RASSF8: variants seen among roughly 807,000 people sequenced by gnomAD.
The protein encoded by RASSF8 is Ras association domain family member 8.
A neutral mutation model predicts 48.5 loss-of-function variants in RASSF8; 22 were observed. The ratio of observed to expected loss-of-function variants is 0.45; its 90% CI spans 0.32 to 0.65. The LOEUF is 0.65. Ranked by LOEUF, RASSF8 falls within the 30% of genes least tolerant of loss-of-function variation. The pLI, the probability that RASSF8 is intolerant of heterozygous loss-of-function variation, is 0.03. For missense variants in RASSF8, 418 were observed against 489.2 expected, an observed-to-expected ratio of 0.85 and a Z score of 1.37; for synonymous variants, 127 against 171.5, an observed-to-expected ratio of 0.74 and a Z score of 2.03.
Position 26,070,019 on chromosome 12 carries a change from T to G in RASSF8, c.*1201T>G. The G allele has an allele frequency of 1.0e-6, 1 of 980,002 alleles. No homozygotes were observed. Among genetic ancestry groups the G allele is most frequent in the South Asian group, 4.7e-5 (1 of 21,198 alleles). 60.7% of individuals were successfully genotyped at this position (980,002 alleles called of 1,614,324 possible). On this transcript the variant is annotated 3_prime_UTR_variant, in exon 6 of 6. Coordinates refer to ENST00000689635, the MANE Select transcript of RASSF8 (RefSeq NM_001394098.1). The stretch of plus-strand genomic sequence containing the variant: ...AACCAAATATGACTCAACACCTTTT[T>G]GATGAGTAGTGACTTAACTAAGATT...
At position 26,064,993 on chromosome 12, in the gene RASSF8, C is replaced by T. The variant is rs543199779; in HGVS notation, c.599C>T (p.Ser200Phe). Residue 200 changes from serine (S) to phenylalanine (F), a missense_variant, in exon 4 of 6, where the codon TCC becomes TTC. Coordinates refer to ENST00000689635, the MANE Select transcript of RASSF8 (RefSeq NM_001394098.1). Reference protein sequence around the residue: ...EIRFWEQKYNSNLEEEIVRLE... With the variant: ...EIRFWEQKYNFNLEEEIVRLE... Reference sequence around the variant, plus strand: ...AGATTTTGGGAGCAAAAGTATAATTCCAACCTTGAAGAGGAAATTGTCCGT... The same window carrying T: ...AGATTTTGGGAGCAAAAGTATAATTTCAACCTTGAAGAGGAAATTGTCCGT... 19 of 1,613,160 alleles carry T rather than the reference C, an allele frequency of 1.2e-5. No individual in the cohort carries two copies. The South Asian group carries it at 2.1e-4, about 18-fold the overall frequency.
chr12:25,991,690 A>C (rs955915949), intron 1 of RASSF8, among the ~76,000 whole-genome samples: 10 of 152,290 alleles, frequency 6.6e-5, no homozygotes, highest in African/African-American at 2.4e-4. Context: ...TGTCTGGCTT[A>C]TATCAGGACA....
rs11343990 is a variant in RASSF8, at chr12:26,071,814, TAA to T, written c.*3005_*3006del. 7,571 of 951,992 alleles carry T rather than the reference TAA, an allele frequency of 8.0e-3. 43 individuals carry two copies. The highest frequency in any genetic ancestry group is 8.2e-3 in the Non-Finnish European group (6,584 of 800,222). 59.0% of individuals were successfully genotyped at this position (951,992 alleles called of 1,614,324 possible). A position where few individuals can be genotyped will look rare whatever the true frequency, so the allele number is the denominator to read the frequency against. ...TAGAGTAAAAACTATATAAATACAG[TAA>T]AAAAAAAATAGAATTTATGGTGTGA... On this transcript the variant is annotated 3_prime_UTR_variant, in exon 6 of 6. Coordinates refer to ENST00000689635, the MANE Select transcript of RASSF8 (RefSeq NM_001394098.1).
chr12:26,043,820 A>G (rs938560465), intron 2 of RASSF8, among the ~76,000 whole-genome samples: 9 of 152,214 alleles, frequency 5.9e-5, no homozygotes, highest in African/African-American at 1.9e-4. Context: ...AAGAAACCAG[A>G]CAACATTACA....
intron 2 of RASSF8, among the ~76,000 whole-genome samples, chr12:26,032,751 C>T (rs1297335637): frequency 2.0e-5 from 3 of 152,128 alleles, no homozygotes; most frequent in Non-Finnish European, 4.4e-5. Context: ...AAGCAGGAAT[C>T]ATAATGGGAA....
intron 2 of RASSF8, among the ~76,000 whole-genome samples, chr12:26,017,276 A>C (rs572584945): frequency 6.6e-6 from 1 of 152,342 alleles, no homozygotes; most frequent in East Asian, 1.9e-4. Flanking sequence ...ATCTTTGTCC[A>C]ATCAGGAGAG....
chr12:25,996,550 G>C (rs557852966), intron 2 of RASSF8, among the ~76,000 whole-genome samples: 2 of 152,154 alleles, frequency 1.3e-5, no homozygotes, highest in Non-Finnish European at 2.9e-5. Flanking sequence ...ACTAATACAG[G>C]TGGGGATTGT....
At chr12:26,027,689 C>A (rs960524961) in intron 2 of RASSF8, among the ~76,000 whole-genome samples, 2 of 152,138 alleles carry the variant, frequency 1.3e-5, no homozygotes, top group Non-Finnish European at 2.9e-5. Flanking sequence ...AATCATTAAG[C>A]CATTGATAAG....
In RASSF8 at chr12:25,986,926, T is replaced by TTTTGTTTGTTTGTTTG. The variant is rs1555160451; in HGVS notation, c.-202-8099_-202-8084dup. ...GCAGGATTGAACTACCGTTTTTTTTTTTTGTTTGTTTGTTTGTTTGTTTGT... is the reference window on the plus strand; with the variant it reads ...GCAGGATTGAACTACCGTTTTTTTTTTTTGTTTGTTTGTTTGTTTGTTTGTTTGTTTGTTTGTTTGT... On this transcript the variant is annotated intron_variant, in intron 1 of 5. Coordinates refer to ENST00000689635, the MANE Select transcript of RASSF8 (RefSeq NM_001394098.1). Among the ~76,000 whole-genome samples, 5 of 146,612 alleles carry TTTTGTTTGTTTGTTTG rather than the reference T, an allele frequency of 3.4e-5. No homozygotes were observed. In the East Asian group the frequency reaches 6.0e-4, roughly 18 times the overall value.
At chr12:26,044,299 T>C (rs1479234139) in intron 2 of RASSF8, among the ~76,000 whole-genome samples, 1 of 152,190 alleles carries the variant, frequency 6.6e-6, no homozygotes, top group Non-Finnish European at 1.5e-5. Flanking sequence ...GTAGCAGTGC[T>C]TGAGTTTTGG....
upstream of RASSF8, chr12:25,958,648 G>GGCCCGGCCCGGCCCC: frequency 7.0e-6 from 1 of 143,496 alleles, no homozygotes; most frequent in East Asian, 2.0e-4. Flanking sequence ...GGCCCGGCCC[G>GGCCCGGCCCGGCCCC]GCCCGGCCCG....
rs1302246815 is a variant in RASSF8 at position 25,958,849 on chromosome 12, C to T, written c.-502C>T. 6.8e-6 allele frequency: 1 copy of T among 147,042 alleles called. No individual in the cohort carries two copies. The highest frequency in any genetic ancestry group is 6.8e-5 in the Admixed American group (1 of 14,810). The allele number at this position is 147,042 out of a possible 1,614,324, so 9.1% of individuals were successfully genotyped here. On this transcript the variant is annotated 5_prime_UTR_variant, in exon 1 of 6. Transcript: ENST00000689635. ...CTTCCCGCCCGCGGCGGCGTTGGCG[C>T]TGGGGGCGGCTCCCGCGGCGTCTCT...
Position 26,042,855 on chromosome 12 carries a change from A to T in RASSF8, c.-108-12381A>T, listed in dbSNP as rs574882466. On this transcript the variant is annotated intron_variant, in intron 2 of 5. Transcript: ENST00000689635. ...GTGATATCATATTCACAGTAGCATCAATTAGTGGTAAGATTTATTTCAGGA... is the reference window on the plus strand; with the variant it reads ...GTGATATCATATTCACAGTAGCATCTATTAGTGGTAAGATTTATTTCAGGA... Among the ~76,000 whole-genome samples, 3 of 152,264 alleles carry T rather than the reference A, an allele frequency of 2.0e-5. No individual in the cohort carries two copies. The South Asian group carries it at 6.2e-4, about 32-fold the overall frequency.
intron 2 of RASSF8, among the ~76,000 whole-genome samples, chr12:26,012,701 GA>G (rs1163735030): frequency 9.0e-6 from 1 of 110,514 alleles, no homozygotes; most frequent in African/African-American, 3.4e-5. Context: ...TTTTTTTTGA[GA>G]TAGGGTCTCA....
intron 1 of RASSF8, among the ~76,000 whole-genome samples, chr12:25,984,914 C>A (rs187350527): frequency 3.3e-4 from 50 of 152,240 alleles, no homozygotes; most frequent in Admixed American, 1.4e-3. Flanking sequence ...GCTGATCAGA[C>A]CATTTTTGGA....
chr12:26,000,775 A>G (rs1416115076), intron 2 of RASSF8, among the ~76,000 whole-genome samples: 8 of 152,126 alleles, frequency 5.3e-5, no homozygotes, highest in Admixed American at 5.2e-4. Flanking sequence ...CTAAACATAG[A>G]AAAGGTATGG....
At chr12:25,974,647 T>C (rs1251619559) in intron 1 of RASSF8, among the ~76,000 whole-genome samples, 2 of 152,166 alleles carry the variant, frequency 1.3e-5, no homozygotes, top group African/African-American at 2.4e-5. Context: ...GCTTTAACTA[T>C]TTTAGATTTT....
intron 2 of RASSF8, among the ~76,000 whole-genome samples, chr12:26,026,346 A>G (rs79074304): frequency 6.6e-6 from 1 of 152,234 alleles, no homozygotes; most frequent in Non-Finnish European, 1.5e-5. Context: ...CAATCAGCAA[A>G]TGAAAAGATG....
intron 1 of RASSF8, among the ~76,000 whole-genome samples, chr12:25,985,193 A>G (rs964830287): frequency 6.6e-6 from 1 of 152,188 alleles, no homozygotes; most frequent in African/African-American, 2.4e-5. Flanking sequence ...AAGTTCCACA[A>G]ATGTTCTGTA....
Sources: allele counts gnomAD v4.1 joint callset (sites outside exome capture counted in the v4.1 genomes callset), GRCh38; gene constraint gnomAD v4.1.1; transcripts MANE v1.5; gene names NCBI Gene and HGNC (gene_info 2026-07-23, HGNC 2026-07-21).